EEIG1: variants seen among roughly 807,000 people sequenced by gnomAD.
EEIG1 encodes early estrogen-induced gene 1 protein.
chr9:127,946,642 G>T, the EEIG1 span, among the ~76,000 whole-genome samples: 2 of 152,246 alleles, frequency 1.3e-5, no homozygotes, highest in African/African-American at 4.8e-5. Flanking sequence ...CTAGTCCCCA[G>T]ACACATCTCT....
the EEIG1 span, among the ~76,000 whole-genome samples, chr9:127,961,286 CAT>C: frequency 3.9e-5 from 1 of 25,706 alleles, no homozygotes; most frequent in Non-Finnish European, 2.8e-4. Flanking sequence ...AGGCAGGTGG[CAT>C]GCATGGGGCA....
the EEIG1 span, among the ~76,000 whole-genome samples, chr9:127,965,549 A>G: frequency 0.013 from 1,924 of 152,154 alleles, 119 homozygotes; most frequent in East Asian, 0.2. Context: ...TCCATCACTT[A>G]AGTCCCTTGC....
chr9:127,978,065 C>G, the EEIG1 span, among the ~76,000 whole-genome samples: 1 of 152,282 alleles, frequency 6.6e-6, no homozygotes, highest in African/African-American at 2.4e-5. Context: ...ACAGGCTTCC[C>G]AGGCAACCAA....
At chr9:127,948,430 C>T in the EEIG1 span, 1 of 1,613,798 alleles carries the variant, frequency 6.2e-7, no homozygotes, top group Non-Finnish European at 8.5e-7. Flanking sequence ...GCGAGGGGAG[C>T]AATCAGCTAT....
the EEIG1 span, chr9:127,948,112 C>A: frequency 6.2e-7 from 1 of 1,613,268 alleles, no homozygotes; most frequent in Non-Finnish European, 8.5e-7. Context: ...GGGCCGGGAC[C>A]CAGTCAGGGA....
the EEIG1 span, among the ~76,000 whole-genome samples, chr9:127,959,465 T>C: frequency 1.3e-5 from 2 of 152,198 alleles, no homozygotes; most frequent in Admixed American, 6.5e-5. Context: ...AGGAACTAGA[T>C]TGGTGGCTGC....
At chr9:127,962,068 G>T in the EEIG1 span, among the ~76,000 whole-genome samples, 1 of 152,200 alleles carries the variant, frequency 6.6e-6, no homozygotes, top group African/African-American at 2.4e-5. Context: ...AGCAGGCAAC[G>T]CCAGAAGAGA....
chr9:127,980,235 G>A, the EEIG1 span: 1 of 1,333,204 alleles, frequency 7.5e-7, no homozygotes, highest in East Asian at 2.4e-5. Flanking sequence ...AAACACCAGA[G>A]CCGGATCCCG....
the EEIG1 span, chr9:127,950,662 C>T: frequency 6.8e-7 from 1 of 1,477,350 alleles, no homozygotes. Flanking sequence ...GGGCCAGCCC[C>T]ACAGCCTCGA....
At chr9:127,944,903 G>A in the EEIG1 span, 14 of 1,610,362 alleles carry the variant, frequency 8.7e-6, no homozygotes, top group Non-Finnish European at 1.1e-5. Context: ...TTCCGCCTGG[G>A]TCAGGTCGTG....
chr9:127,961,428 G>A, the EEIG1 span, among the ~76,000 whole-genome samples: 31 of 152,336 alleles, frequency 2.0e-4, no homozygotes, highest in Non-Finnish European at 4.3e-4. Context: ...CCCAGGTTGG[G>A]AGCTGGCCAG....
the EEIG1 span, among the ~76,000 whole-genome samples, chr9:127,949,065 C>T: frequency 6.6e-4 from 101 of 152,202 alleles, no homozygotes; most frequent in African/African-American, 1.9e-3. Flanking sequence ...CCTGTAATCC[C>T]AGCACTTTGG....
At chr9:127,956,022 C>T in the EEIG1 span, among the ~76,000 whole-genome samples, 1 of 152,216 alleles carries the variant, frequency 6.6e-6, no homozygotes, top group Non-Finnish European at 1.5e-5. Flanking sequence ...GGAGGGTGAG[C>T]TCCAACAACC....
the EEIG1 span, among the ~76,000 whole-genome samples, chr9:127,961,271 C>A: frequency 1.3e-5 from 1 of 78,662 alleles, no homozygotes; most frequent in Non-Finnish European, 3.0e-5. Context: ...CAGCTGGGCA[C>A]CCCCAGGCAG....
At chr9:127,951,863 G>C in the EEIG1 span, among the ~76,000 whole-genome samples, 2 of 151,888 alleles carry the variant, frequency 1.3e-5, no homozygotes, top group African/African-American at 2.4e-5. Context: ...TCAGGGAGGG[G>C]AAGAAGCTTG....
chr9:127,954,012 T>C, the EEIG1 span: 60 of 1,532,146 alleles, frequency 3.9e-5, no homozygotes, highest in African/African-American at 6.8e-5. Flanking sequence ...GCACTCCCCA[T>C]TGGGACTGAG....
the EEIG1 span, among the ~76,000 whole-genome samples, chr9:127,963,489 C>T: frequency 6.6e-6 from 1 of 152,258 alleles, no homozygotes; most frequent in Non-Finnish European, 1.5e-5. Flanking sequence ...ATGTAAATCT[C>T]AGCAAGGCGG....
the EEIG1 span, among the ~76,000 whole-genome samples, chr9:127,963,172 C>T: frequency 5.9e-5 from 9 of 152,336 alleles, no homozygotes; most frequent in East Asian, 1.7e-3. Flanking sequence ...GAGTTGTTTC[C>T]ATAATTGAAA....
the EEIG1 span, among the ~76,000 whole-genome samples, chr9:127,947,586 A>C: frequency 6.6e-6 from 1 of 152,130 alleles, no homozygotes; most frequent in South Asian, 2.1e-4. Flanking sequence ...AGAGAGACGC[A>C]AACTGGCCAG....
Sources: allele counts gnomAD v4.1 joint callset (sites outside exome capture counted in the v4.1 genomes callset), GRCh38; gene constraint gnomAD v4.1.1; transcripts MANE v1.5; gene names NCBI Gene and HGNC (gene_info 2026-07-23, HGNC 2026-07-21).